NEGR1: variants seen among roughly 807,000 people sequenced by gnomAD.
The protein encoded by NEGR1 is neuronal growth regulator 1.
A neutral mutation model predicts 40.9 loss-of-function variants in NEGR1; 10 were observed. The ratio of observed to expected loss-of-function variants is 0.24; its 90% CI spans 0.15 to 0.42. The LOEUF (loss-of-function observed/expected upper bound fraction) is 0.42, where lower values mean the gene tolerates loss of function less well. NEGR1 is among the 10% of genes least tolerant of loss of function. The pLI, the probability that NEGR1 is intolerant of heterozygous loss-of-function variation, is 1.00. For missense variants in NEGR1, 352 were observed against 438.9 expected (o/e 0.80, Z 1.77); for synonymous variants, 185 against 166.8 (o/e 1.11, Z -0.84).
chr1:71,959,830 C>T (rs1170826095), intron 1 of NEGR1, among the ~76,000 whole-genome samples: 2 of 151,928 alleles, frequency 1.3e-5, no homozygotes, highest in Admixed American at 1.3e-4. Context: ...GACTTGAAAA[C>T]CCTTAAAGAT....
chr1:71,417,590 G>A (rs1051304420), intron 6 of NEGR1, among the ~76,000 whole-genome samples: 2 of 152,084 alleles, frequency 1.3e-5, no homozygotes, highest in Non-Finnish European at 2.9e-5. Context: ...TTGTCTGTGA[G>A]TTCTATTTGA....
At chr1:71,496,229 AACAGC>A (rs1646962265) in intron 6 of NEGR1, among the ~76,000 whole-genome samples, 1 of 152,190 alleles carries the variant, frequency 6.6e-6, no homozygotes, top group Non-Finnish European at 1.5e-5. Context: ...AGTAGTCATG[AACAGC>A]ACATAAGTAC....
At chr1:71,614,847 G>A (rs568708781) in intron 4 of NEGR1, among the ~76,000 whole-genome samples, 2 of 152,250 alleles carry the variant, frequency 1.3e-5, no homozygotes, top group South Asian at 2.1e-4. Context: ...GTGTACATAC[G>A]GCTCAGTACT....
At chr1:71,987,014 G>C (rs1646400840) in intron 1 of NEGR1, among the ~76,000 whole-genome samples, 1 of 152,092 alleles carries the variant, frequency 6.6e-6, no homozygotes, top group Admixed American at 6.6e-5. Context: ...CAAAAATTTG[G>C]TACTCTAAAA....
intron 3 of NEGR1, among the ~76,000 whole-genome samples, chr1:71,722,766 T>C (rs770795325): frequency 2.0e-5 from 3 of 152,124 alleles, no homozygotes; most frequent in Non-Finnish European, 4.4e-5. Flanking sequence ...CATAATACAA[T>C]AAGCTGCACA....
At chr1:71,794,294 G>A (rs1454479199) in intron 2 of NEGR1, 1 of 152,054 alleles carries the variant, frequency 6.6e-6, no homozygotes, top group Non-Finnish European at 1.5e-5. Context: ...ATATTGAAGA[G>A]TAAAGGACCA....
intron 1 of NEGR1, among the ~76,000 whole-genome samples, chr1:72,204,238 A>G (rs978577716): frequency 2.6e-5 from 4 of 152,066 alleles, no homozygotes; most frequent in Non-Finnish European, 4.4e-5. Context: ...AATCACAAAG[A>G]TTATTCAATT....
chr1:71,879,803 T>C (rs1660533180), intron 2 of NEGR1, among the ~76,000 whole-genome samples: 3 of 152,144 alleles, frequency 2.0e-5, no homozygotes, highest in Non-Finnish European at 4.4e-5. Context: ...CACTAAATGA[T>C]ACTTAGTTTT....
At chr1:72,148,733 C>T (rs112767776) in intron 1 of NEGR1, among the ~76,000 whole-genome samples, 9,863 of 152,206 alleles carry the variant, frequency 0.065, 391 homozygotes, top group Middle Eastern at 0.11. Context: ...GGCAAAATGC[C>T]GCCAGTCTCT....
intron 6 of NEGR1, among the ~76,000 whole-genome samples, chr1:71,547,550 G>A (rs530392356): frequency 6.6e-6 from 1 of 151,792 alleles, no homozygotes; most frequent in East Asian, 2.0e-4. Context: ...CAAAGAAACA[G>A]AATAGAAAGA....
chr1:71,495,564 T>C (rs1646957695), intron 6 of NEGR1, among the ~76,000 whole-genome samples: 1 of 151,766 alleles, frequency 6.6e-6, no homozygotes. Context: ...CCCCCCTACA[T>C]CATTGAAGGG....
At chr1:72,207,593 C>T (rs545400803) in intron 1 of NEGR1, among the ~76,000 whole-genome samples, 16 of 151,724 alleles carry the variant, frequency 1.1e-4, no homozygotes, top group South Asian at 1.0e-3. Flanking sequence ...CCTATGTATA[C>T]TATTTTACAC....
chr1:71,690,414 A>C lies in NEGR1; in HGVS notation c.667+7594T>G, dbSNP rs75618323. Among the ~76,000 whole-genome samples the C allele has an allele frequency of 5.1e-3, 768 of 151,984 alleles. 2 individuals are homozygous for C. Among genetic ancestry groups the C allele is most frequent in the Non-Finnish European group, 8.0e-3 (543 of 67,892 alleles). On this transcript the variant is annotated intron_variant, in intron 4 of 6. Coordinates refer to ENST00000357731, the MANE Select transcript of NEGR1 (RefSeq NM_173808.3). ...TATAAACTATATGTTTGTACTGACTAAAGTAATGTTTGAAACTTCTACATC... is the reference window on the plus strand; with the variant it reads ...TATAAACTATATGTTTGTACTGACTCAAGTAATGTTTGAAACTTCTACATC...
intron 1 of NEGR1, among the ~76,000 whole-genome samples, chr1:72,248,405 T>G (rs1407765411): frequency 6.6e-6 from 1 of 151,656 alleles, no homozygotes; most frequent in African/African-American, 2.4e-5. Context: ...TTATTGGCGC[T>G]TGTCACCACG....
intron 1 of NEGR1, among the ~76,000 whole-genome samples, chr1:72,089,710 T>C (rs1269911326): frequency 6.6e-5 from 10 of 152,184 alleles, no homozygotes; most frequent in African/African-American, 2.4e-4. Context: ...TTCTTTCCTT[T>C]CTTTAATTCC....
rs185586748 is a variant in NEGR1, at chr1:72,218,213, T to C, written c.176+64106A>G. ...ACCTATTGTGACACATTTGAGGCTA[T>C]TGTCATGAATTTGTTCTTATTTGGA... On this transcript the variant is annotated intron_variant, in intron 1 of 6. Coordinates refer to ENST00000357731, the MANE Select transcript of NEGR1 (RefSeq NM_173808.3). Among the ~76,000 whole-genome samples, 449 of 152,082 alleles carry C rather than the reference T, an allele frequency of 3.0e-3. 3 individuals are homozygous for C. Among genetic ancestry groups the C allele is most frequent in the African/African-American group, 0.01 (419 of 41,574 alleles).
intron 1 of NEGR1, among the ~76,000 whole-genome samples, chr1:72,144,021 T>G (rs1384008621): frequency 6.7e-6 from 1 of 148,466 alleles, no homozygotes; most frequent in East Asian, 2.0e-4. Context: ...CTCTTTTGCA[T>G]CAATTATATT....
At chr1:71,775,903 G>C (rs1656488324) in intron 3 of NEGR1, among the ~76,000 whole-genome samples, 1 of 151,700 alleles carries the variant, frequency 6.6e-6, no homozygotes, top group Non-Finnish European at 1.5e-5. Flanking sequence ...TGAGGCAGGA[G>C]AATCGCTTGA....
intron 3 of NEGR1, among the ~76,000 whole-genome samples, chr1:71,739,229 A>AG (rs1315325187): frequency 1.3e-5 from 2 of 151,106 alleles, no homozygotes; most frequent in Admixed American, 6.6e-5. Context: ...AAAAAAAAAA[A>AG]ACGTGAAAAG....
Sources: allele counts gnomAD v4.1 joint callset (sites outside exome capture counted in the v4.1 genomes callset), GRCh38; gene constraint gnomAD v4.1.1; transcripts MANE v1.5; gene names NCBI Gene and HGNC (gene_info 2026-07-23, HGNC 2026-07-21).